Variants in BCL9 observed in about 807,000 individuals in gnomAD.
BCL9 encodes BCL9 transcription coactivator, also known as B-cell CLL/lymphoma 9 protein.
In BCL9, 25 loss-of-function variants were observed where a neutral mutation model predicts 88.5. That is an observed-to-expected ratio of 0.28 (90% CI 0.21 to 0.39). BCL9 has a LOEUF of 0.39. BCL9 is among the 10% of genes least tolerant of loss of function. The probability of loss-of-function intolerance (pLI) is 1.00; values close to 1 mark genes in which losing one functional copy is unlikely to be tolerated. For synonymous variants in BCL9, 711 were observed against 673.3 expected (o/e 1.06, Z -0.87); for missense variants, 1,817 against 1,877.8 (o/e 0.97, Z 0.60).
At chr1:147,621,200 A>G in intron 8 of BCL9, 143 bp downstream of exon 8, 1 of 933,932 alleles carries the variant, frequency 1.1e-6, no homozygotes, top group Non-Finnish European at 1.6e-6. Context: ...GGCAAGGTGC[A>G]TAATCAGTGC....
chr1:147,618,363 A>G lies in BCL9; in HGVS notation c.661-453A>G, dbSNP rs587708897. Reference sequence around the variant, plus strand: ...ACGCTTTCTCTCTCAAGATGGCAACATCAGGCCTTTTGATTGACAATGAGA... The same window carrying G: ...ACGCTTTCTCTCTCAAGATGGCAACGTCAGGCCTTTTGATTGACAATGAGA... On this transcript the variant is annotated intron_variant, in intron 7 of 9. Coordinates refer to ENST00000234739, the MANE Select transcript of BCL9 (RefSeq NM_004326.4). Among the ~76,000 whole-genome samples the G allele has an allele frequency of 2.0e-5, 3 of 152,302 alleles. No homozygotes were observed. The South Asian group carries it at 6.2e-4, about 32-fold the overall frequency.
chr1:147,622,350 C>G lies in BCL9; in HGVS notation c.2982C>G (p.Thr994=), dbSNP rs201978609. ...PGSLPSSTPY[T]MPPEPTLSQN... is the part of the protein sequence containing the mutation. Reference sequence around the variant, plus strand: ...GTCTTCCCTCTAGTACACCTTATACCATGCCTCCAGAGCCAACCCTTTCCC... The same window carrying G: ...GTCTTCCCTCTAGTACACCTTATACGATGCCTCCAGAGCCAACCCTTTCCC... The change falls in exon 9 of 10, where the codon ACC becomes ACG. Residue 994 remains threonine (T), a synonymous_variant. Transcript: ENST00000234739. 6.2e-7 allele frequency: 1 copy of G among 1,614,186 alleles called. No homozygotes were observed. The highest frequency in any genetic ancestry group is 8.5e-7 in the Non-Finnish European group (1 of 1,180,028).
At chr1:147,543,720 G>A (rs940894357) in intron 1 of BCL9, among the ~76,000 whole-genome samples, 3 of 152,182 alleles carry the variant, frequency 2.0e-5, no homozygotes, top group Non-Finnish European at 2.9e-5. Context: ...AGATGAGGAT[G>A]TTAAGGTCCA....
At chr1:147,570,653 T>TTTTTTTTG (rs1481643504) in intron 1 of BCL9, among the ~76,000 whole-genome samples, 17 of 51,250 alleles carry the variant, frequency 3.3e-4, no homozygotes, top group East Asian at 8.4e-4. Context: ...TTTTTTTTTG[T>TTTTTTTTG]AGATGGAGTT....
At chr1:147,606,302 T>G (rs1197661819) in intron 2 of BCL9, among the ~76,000 whole-genome samples, 1 of 152,202 alleles carries the variant, frequency 6.6e-6, no homozygotes, top group Non-Finnish European at 1.5e-5. Flanking sequence ...TGAAAATAAA[T>G]GTTCTTGCTG....
At chr1:147,551,086 A>G (rs1654879725) in intron 1 of BCL9, among the ~76,000 whole-genome samples, 1 of 152,212 alleles carries the variant, frequency 6.6e-6, no homozygotes, top group Non-Finnish European at 1.5e-5. Context: ...AAATGAGGAG[A>G]CAATAATAAT....
chr1:147,624,375 G>A lies in BCL9; in HGVS notation c.3697G>A (p.Glu1233Lys). ...CCGACCTGGAGCCACCGGAATACCTGAGTTTGATCTATCCCGCATTATTCC... is the reference window on the plus strand; with the variant it reads ...CCGACCTGGAGCCACCGGAATACCTAAGTTTGATCTATCCCGCATTATTCC... ...VIRPGATGIP[E>K]FDLSRIIPSE... The change falls in exon 10 of 10, where the codon GAG becomes AAG. Residue 1233 changes from glutamate to lysine, a missense_variant. Glu to Lys is a moderately conservative substitution (Grantham distance 56). This residue lies in a region of BCL9 where 589 missense variants were observed against 686.2 expected (regional missense o/e 0.86). Transcript: ENST00000234739. The surrounding 1 kb of genome is among the most constrained non-coding windows in gnomAD (Gnocchi z 4.4). 6.2e-7 allele frequency: 1 copy of A among 1,614,230 alleles called. No individual in the cohort carries two copies. The highest frequency in any genetic ancestry group is 8.5e-7 in the Non-Finnish European group (1 of 1,180,040).
intron 1 of BCL9, among the ~76,000 whole-genome samples, chr1:147,585,311 G>A (rs1176132651): frequency 6.6e-6 from 1 of 152,072 alleles, no homozygotes; most frequent in East Asian, 1.9e-4. Context: ...CATGTAGGTT[G>A]CACACAACCT....
At chr1:147,592,480 G>C (rs1164446566) in intron 1 of BCL9, among the ~76,000 whole-genome samples, 2 of 152,144 alleles carry the variant, frequency 1.3e-5, no homozygotes, top group African/African-American at 2.4e-5. Context: ...GGAGGATAGA[G>C]GTCTGGCCAG....
chr1:147,557,349 G>C (rs1290241960), intron 1 of BCL9, among the ~76,000 whole-genome samples: 1 of 152,190 alleles, frequency 6.6e-6, no homozygotes, highest in Non-Finnish European at 1.5e-5. Context: ...AGGCCAGCCA[G>C]ATCAAGAAAA....
At chr1:147,621,873 A>G (rs17160476) in intron 8 of BCL9, among the ~76,000 whole-genome samples, 37,533 of 152,004 alleles carry the variant, frequency 0.25, 5,434 homozygotes, top group African/African-American at 0.4. Context: ...CTGGGATCAT[A>G]TCACTAGTCT....
At position 147,619,918 on chromosome 1, in the gene BCL9, C is replaced by A; in HGVS notation, c.1763C>A (p.Ser588Tyr). 6.2e-7 allele frequency: 1 copy of A among 1,614,200 alleles called. No individual in the cohort carries two copies. The highest frequency in any genetic ancestry group is 8.5e-7 in the Non-Finnish European group (1 of 1,180,034). ...VPNPASRPGL[S>Y]GVSWPDDVPK... The stretch of plus-strand genomic sequence containing the variant: ...AACCCTGCATCTAGACCAGGTCTTT[C>A]TGGAGTCAGTTGGCCAGATGATGTG... Residue 588 changes from serine to tyrosine, a missense_variant, in exon 8 of 10, where the codon TCT (serine) becomes TAT (tyrosine). By Grantham distance (144) the Ser-to-Tyr change is moderately radical. This residue lies in a region of BCL9 where 1,228 missense variants were observed against 1,191.6 expected (regional missense o/e 1.03). Coordinates refer to ENST00000234739, the MANE Select transcript of BCL9 (RefSeq NM_004326.4). This position sits in a 1 kb window ranked among gnomAD's most constrained non-coding sequence, Gnocchi z 4.1.
At chr1:147,568,846 T>G (rs587683662) in intron 1 of BCL9, among the ~76,000 whole-genome samples, 2 of 152,152 alleles carry the variant, frequency 1.3e-5, no homozygotes, top group African/African-American at 4.8e-5. Flanking sequence ...CAGGAGTTTA[T>G]GTCTGTCTTG....
chr1:147,612,683 CTGCT>C (rs587598692), intron 4 of BCL9, among the ~76,000 whole-genome samples, 196 bp from the exon 5 acceptor site: 8 of 152,258 alleles, frequency 5.3e-5, no homozygotes, highest in African/African-American at 1.7e-4. Context: ...GCAGGCCACT[CTGCT>C]TGATCCTCCT....
chr1:147,566,962 G>GA (rs1655631965), intron 1 of BCL9, among the ~76,000 whole-genome samples: 1 of 151,982 alleles, frequency 6.6e-6, no homozygotes, highest in Non-Finnish European at 1.5e-5. Context: ...ACAGAAGCTA[G>GA]AAAAAAAGCA....
intron 1 of BCL9, among the ~76,000 whole-genome samples, chr1:147,547,759 A>C (rs1553194394): frequency 1.3e-5 from 2 of 152,210 alleles, no homozygotes; most frequent in Admixed American, 1.3e-4. Context: ...GGAAAAAAGA[A>C]ATAGTTTAGT....
chr1:147,606,007 C>T (rs903255504), intron 2 of BCL9, among the ~76,000 whole-genome samples: 9 of 152,192 alleles, frequency 5.9e-5, no homozygotes, highest in African/African-American at 2.2e-4. Flanking sequence ...GCATGCTTCT[C>T]TAGGAATCCT....
At chr1:147,569,086 G>A (rs1468908964) in intron 1 of BCL9, among the ~76,000 whole-genome samples, 1 of 151,766 alleles carries the variant, frequency 6.6e-6, no homozygotes, top group Non-Finnish European at 1.5e-5. Flanking sequence ...GTGGAAGCAG[G>A]TGAAGGAGAA....
In BCL9 at chr1:147,620,188, C is replaced by T. The variant is rs1658541250; in HGVS notation, c.2033C>T (p.Pro678Leu). The T allele has an allele frequency of 6.2e-7, 1 of 1,613,964 alleles. No individual in the cohort carries two copies. The highest frequency in any genetic ancestry group is 8.5e-7 in the Non-Finnish European group (1 of 1,179,950). Residue 678 changes from proline to leucine, a missense_variant, in exon 8 of 10, where the codon CCT becomes CTT. Transcript: ENST00000234739. The part of the protein sequence containing the change: ...HMEPGNNPIF[P>L]RIPVEGPLSP... ...GAGCCTGGGAATAACCCCATTTTCC[C>T]TCGAATACCAGTTGAGGGCCCTCTG...
Sources: gnomAD v4.1 joint callset for allele counts (sites outside exome capture counted in the v4.1 genomes callset) on GRCh38, gnomAD v4.1.1 for gene constraint, gnomAD v4.1.1 regional missense constraint, Gnocchi (gnomAD v3.1) non-coding constraint, MANE v1.5 for transcripts, NCBI Gene and HGNC (gene_info 2026-07-23, HGNC 2026-07-21) for gene names.